AHNAK: variants seen among roughly 807,000 people sequenced by gnomAD.
The protein encoded by AHNAK is neuroblast differentiation-associated protein AHNAK.
AHNAK carries 23 observed loss-of-function variants against 37.8 expected under a neutral mutation model. The ratio of observed to expected loss-of-function variants is 0.61; its 90% CI spans 0.44 to 0.86. The LOEUF (loss-of-function observed/expected upper bound fraction) is 0.86. AHNAK is among the 40% of genes least tolerant of loss of function. The pLI is 0.00. For synonymous variants in AHNAK, 2,481 were observed against 2,636.3 expected, an observed-to-expected ratio of 0.94 and a Z score of 1.80; for missense variants, 7,411 against 7,319.4, an observed-to-expected ratio of 1.01 and a Z score of -0.46.
At position 62,519,740 on chromosome 11, in the gene AHNAK, C is replaced by T. The variant is rs748877920; in HGVS notation, c.14677G>A (p.Glu4893Lys). The T allele has an allele frequency of 2.5e-6, 4 of 1,613,558 alleles. No individual in the cohort carries two copies. Among genetic ancestry groups the T allele is most frequent in the South Asian group, 2.2e-5 (2 of 90,984 alleles). The stretch of plus-strand genomic sequence containing the variant: ...CCACTGAGTTTGGCATCAGGGCCTT[C>T]GAAATCCAGACGTGGACCTTTAAGA... ...VDLKGPRLDFEGPDAKLSGPS... is the reference protein window; with the variant it reads ...VDLKGPRLDFKGPDAKLSGPS... Residue 4893 changes from glutamate (E) to lysine (K), a missense_variant, in exon 5 of 5, where the codon GAA becomes AAA. Coordinates refer to ENST00000378024, the MANE Select transcript of AHNAK (RefSeq NM_001620.3).
chr11:62,456,981 T>C (rs1414489134), intron 5 of AHNAK, among the ~76,000 whole-genome samples: 2 of 152,290 alleles, frequency 1.3e-5, no homozygotes, highest in East Asian at 3.9e-4. Context: ...CCCTAAGGAC[T>C]CTAGCTCATT....
chr11:62,524,105 G>C lies in AHNAK; in HGVS notation c.10312C>G (p.Pro3438Ala). Residue 3438 changes from proline to alanine, a missense_variant, in exon 5 of 5, where the codon CCC becomes GCC. Coordinates refer to ENST00000378024, the MANE Select transcript of AHNAK (RefSeq NM_001620.3). The stretch of plus-strand genomic sequence containing the variant: ...CCTTTAAAGTCACCTTCTAAATTGG[G>C]ACCTGCAATATCTAAGTCTCCTTTG... ...KVKGDLDIAG[P>A]NLEGDFKGPK... is the part of the protein sequence containing the mutation. 1 of 1,614,090 alleles carries C rather than the reference G, an allele frequency of 6.2e-7. No individual in the cohort carries two copies. The highest frequency in any genetic ancestry group is 2.2e-5 in the East Asian group (1 of 44,880).
Position 62,516,948 on chromosome 11 carries a change from A to G in AHNAK, c.17469T>C (p.Gly5823=). The G allele has an allele frequency of 6.2e-7, 1 of 1,614,170 alleles. No individual in the cohort carries two copies. Among genetic ancestry groups the G allele is most frequent in the Non-Finnish European group, 8.5e-7 (1 of 1,180,024 alleles). ...TCTTTGACCCCAATCCACCAAAGGT[A>G]CCGAATTTCAGCTTCCCGTGTTTCC... is the stretch of plus-strand genomic sequence containing the variant. ...VKGKHGKLKF[G]TFGGLGSKSK... is the part of the protein sequence containing the mutation. Residue 5823 remains glycine, a synonymous_variant, in exon 5 of 5, where the codon GGT becomes GGC. Transcript: ENST00000378024.
chr11:62,525,276 G>A lies in AHNAK; in HGVS notation c.9141C>T (p.Pro3047=), dbSNP rs1425615993. 1 of 1,612,612 alleles carries A rather than the reference G, an allele frequency of 6.2e-7. No individual in the cohort carries two copies. The highest frequency in any genetic ancestry group is 8.5e-7 in the Non-Finnish European group (1 of 1,179,750). The change falls in exon 5 of 5, where the codon CCC becomes CCT. Residue 3047 remains proline, a synonymous_variant. Coordinates refer to ENST00000378024, the MANE Select transcript of AHNAK (RefSeq NM_001620.3). ...GEGPDVDVNL[P]KADLDVSGPK... Reference sequence around the variant, plus strand: ...GTCCTGAGACATCAAGGTCAGCCTTGGGCAGGTTCACATCCACATCTGGGC... The same window carrying A: ...GTCCTGAGACATCAAGGTCAGCCTTAGGCAGGTTCACATCCACATCTGGGC...
At position 62,527,206 on chromosome 11, in the gene AHNAK, A is replaced by G. The variant is rs374823519; in HGVS notation, c.7211T>C (p.Val2404Ala). 1.7e-5 allele frequency: 28 copies of G among 1,611,214 alleles called. No individual in the cohort carries two copies. Among genetic ancestry groups the G allele is most frequent in the East Asian group, 1.6e-4 (7 of 44,858 alleles). ...HLKSPKAKGE[V>A]DVDVPKLEGD... ...TTCCAATTTGGGAACATCTACATCC[A>G]CCTCTCCTTTTGCCTTGGGGCTCTT... The change falls in exon 5 of 5, where the codon GTG becomes GCG. Residue 2404 changes from valine (V) to alanine (A), a missense_variant. By Grantham distance (64) the Val-to-Ala change is moderately conservative (BLOSUM62 0). Transcript: ENST00000378024.
intron 4 of AHNAK, chr11:62,491,904 C>A: frequency 7.3e-7 from 1 of 1,363,784 alleles, no homozygotes; most frequent in Non-Finnish European, 1.0e-6. Context: ...CAAATGCCTA[C>A]TATGGGTGTA....
Position 62,518,528 on chromosome 11 carries a change from C to A in AHNAK, c.15889G>T (p.Val5297Phe), listed in dbSNP as rs201931126. The change falls in exon 5 of 5, where the codon GTC becomes TTC. Residue 5297 changes from valine to phenylalanine, a missense_variant. Physicochemically the swap from Val to Phe is conservative, Grantham distance 50. Coordinates refer to ENST00000378024, the MANE Select transcript of AHNAK (RefSeq NM_001620.3). ...LPSVNLSMPK[V>F]SGPDLDLNLK... is the part of the protein sequence containing the mutation. ...TTCAGATCAAGGTCAGGCCCAGAGACTTTTGGCATAGAGAGGTTCACTGAA... is the reference window on the plus strand; with the variant it reads ...TTCAGATCAAGGTCAGGCCCAGAGAATTTTGGCATAGAGAGGTTCACTGAA... The A allele has an allele frequency of 4.3e-6, 7 of 1,614,164 alleles. No individual in the cohort carries two copies. The South Asian group carries it at 6.6e-5, about 15-fold the overall frequency.
At position 62,493,986 on chromosome 11, in the gene AHNAK, T is replaced by C. The variant is rs1248897208; in HGVS notation, c.343-2155A>G. Among the ~76,000 whole-genome samples the C allele has an allele frequency of 2.0e-5, 3 of 152,060 alleles. 1 individual carries two copies. The highest frequency in any genetic ancestry group is 7.3e-5 in the African/African-American group (3 of 41,322). ...CAGGCATTCTGGAAATGTTTGTGGCTTGGATAGATGAATGATGAGTGATGA... is the reference window on the plus strand; with the variant it reads ...CAGGCATTCTGGAAATGTTTGTGGCCTGGATAGATGAATGATGAGTGATGA... On this transcript the variant is annotated intron_variant, in intron 4 of 5. Transcript: ENST00000257247.
In AHNAK at chr11:62,529,672, G is replaced by A. The variant is rs762848479; in HGVS notation, c.4745C>T (p.Pro1582Leu). The A allele has an allele frequency of 1.2e-5, 20 of 1,613,944 alleles. No homozygotes were observed. Among genetic ancestry groups the A allele is most frequent in the East Asian group, 2.2e-5 (1 of 44,902 alleles). ...MNIQTHKISM[P>L]DVGLNLKAPK... ...GGCTTTCAAATTAAGTCCAACATCA[G>A]GCATAGAGATTTTGTGCGTCTGTAT... The change falls in exon 5 of 5, where the codon CCT (proline) becomes CTT (leucine). Residue 1582 changes from proline to leucine, a missense_variant. Coordinates refer to ENST00000378024, the MANE Select transcript of AHNAK (RefSeq NM_001620.3).
In AHNAK at chr11:62,524,761, A is replaced by G. The variant is rs768712634; in HGVS notation, c.9656T>C (p.Ile3219Thr). ...ATTGAGGTCCAAATCAGGCATTGAT[A>G]TTTTAGGAGCTTTGATGTTCATCTC... Reference protein sequence around the residue: ...MPEMNIKAPKISMPDLDLNLK... With the variant: ...MPEMNIKAPKTSMPDLDLNLK... Residue 3219 changes from isoleucine to threonine, a missense_variant, in exon 5 of 5, where the codon ATA (isoleucine) becomes ACA (threonine). Coordinates refer to ENST00000378024, the MANE Select transcript of AHNAK (RefSeq NM_001620.3). The G allele has an allele frequency of 6.2e-7, 1 of 1,614,126 alleles. No individual in the cohort carries two copies. The highest frequency in any genetic ancestry group is 2.2e-5 in the East Asian group (1 of 44,886).
chr11:62,506,663 G>A (rs1939817770), intron 4 of AHNAK, among the ~76,000 whole-genome samples: 2 of 152,254 alleles, frequency 1.3e-5, no homozygotes, highest in Admixed American at 1.3e-4. Flanking sequence ...AGGGCTGGGG[G>A]CCTTCCAGGC....
intron 5 of AHNAK, among the ~76,000 whole-genome samples, chr11:62,455,609 G>A (rs1240569953): frequency 6.6e-6 from 1 of 152,130 alleles, no homozygotes; most frequent in Admixed American, 6.5e-5. Context: ...GGAGGCTGAG[G>A]CAGGAGAATC....
chr11:62,489,840 G>A (rs1565211941), intron 5 of AHNAK, among the ~76,000 whole-genome samples: 1 of 152,156 alleles, frequency 6.6e-6, no homozygotes, highest in South Asian at 2.1e-4. Flanking sequence ...TGTGGGAAGA[G>A]GGGAGCCCAT....
In AHNAK at chr11:62,529,333, T is replaced by C; in HGVS notation, c.5084A>G (p.Asp1695Gly). The C allele has an allele frequency of 6.2e-7, 1 of 1,614,152 alleles. No homozygotes were observed. The stretch of plus-strand genomic sequence containing the variant: ...AACCTCCACATCTGGGGCATCAATG[T>C]CCACTTTGGGCCCTTTAATGTCAAC... Reference protein sequence around the residue: ...PDVDIKGPKVDIDAPDVEVHD... With the variant: ...PDVDIKGPKVGIDAPDVEVHD... The change falls in exon 5 of 5, where the codon GAC becomes GGC. Residue 1695 changes from aspartate to glycine, a missense_variant. Asp to Gly is a moderately conservative substitution (Grantham distance 94). Coordinates refer to ENST00000378024, the MANE Select transcript of AHNAK (RefSeq NM_001620.3).
intron 4 of AHNAK, among the ~76,000 whole-genome samples, chr11:62,493,332 CT>C (rs538984724): frequency 0.044 from 5,366 of 122,784 alleles, 356 homozygotes; most frequent in African/African-American, 0.14. Flanking sequence ...TTCTTTCTTT[CT>C]TTTTTTTTTT....
chr11:62,448,571 G>A lies in AHNAK; in HGVS notation c.443-14680C>T, dbSNP rs1938465614. On this transcript the variant is annotated intron_variant, in intron 5 of 5. Transcript: ENST00000257247. ...CTCAAGTTTTCTAGTTTGAAGGCAG[G>A]CGGGCTGATACTATTTGTTGAGATG... is the stretch of plus-strand genomic sequence containing the variant. Among the ~76,000 whole-genome samples the A allele has an allele frequency of 2.6e-5, 4 of 152,180 alleles. No individual in the cohort carries two copies. The South Asian group carries it at 8.3e-4, about 32-fold the overall frequency.
chr11:62,535,144 C>A lies in AHNAK; in HGVS notation c.201G>T (p.Ser67=), dbSNP rs373540431. The change falls in exon 4 of 5, where the codon TCG becomes TCT. Residue 67 remains serine, a synonymous_variant. Coordinates refer to ENST00000378024, the MANE Select transcript of AHNAK (RefSeq NM_001620.3). ...GATIYFDNLQ[S]GEVTQLLNTM... is the part of the protein sequence containing the mutation. ...TGTTCAGCAGCTGGGTCACCTCACC[C>A]GACTGCAGGTTGTCAAAGTAGATGG... is the stretch of plus-strand genomic sequence containing the variant. 6.2e-7 allele frequency: 1 copy of A among 1,612,944 alleles called. No homozygotes were observed. The highest frequency in any genetic ancestry group is 8.5e-7 in the Non-Finnish European group (1 of 1,179,048).
At chr11:62,455,349 A>C (rs1040684456) in intron 5 of AHNAK, among the ~76,000 whole-genome samples, 3 of 152,106 alleles carry the variant, frequency 2.0e-5, no homozygotes, top group African/African-American at 7.2e-5. Flanking sequence ...GGCTGGGCTG[A>C]CTGGCAGCGC....
intron 4 of AHNAK, among the ~76,000 whole-genome samples, chr11:62,504,373 G>A (rs1939770043): frequency 6.6e-6 from 1 of 151,896 alleles, no homozygotes; most frequent in African/African-American, 2.4e-5. Context: ...CCCTCCTGCA[G>A]CTAAATTCCT....
Sources: allele counts gnomAD v4.1 joint callset (sites outside exome capture counted in the v4.1 genomes callset), GRCh38; gene constraint gnomAD v4.1.1; transcripts MANE v1.5; gene names NCBI Gene and HGNC (gene_info 2026-07-23, HGNC 2026-07-21).